Variants in CLIC6 observed in about 807,000 individuals in gnomAD.
CLIC6 encodes the protein CLIC family member 6.
Under a neutral mutation model 49.2 loss-of-function variants are expected in CLIC6, and 39 were observed. The ratio of observed to expected loss-of-function variants is 0.79; its 90% confidence interval spans 0.61 to 1.04. The LOEUF (loss-of-function observed/expected upper bound fraction) is 1.04, where lower values mean the gene tolerates loss of function less well. Among genes scored for constraint, CLIC6 ranks in the 50% least tolerant of loss-of-function variants. The pLI, the probability that CLIC6 is intolerant of heterozygous loss-of-function variation, is 0.00. For missense variants in CLIC6, 988 were observed against 993.1 expected (o/e 0.99, Z 0.07); for synonymous variants, 446 against 433.4 (o/e 1.03, Z -0.36).
chr21:34,677,198 C>T (rs1021613868), intron 1 of CLIC6, among the ~76,000 whole-genome samples: 7 of 152,320 alleles, frequency 4.6e-5, no homozygotes, highest in African/African-American at 1.7e-4. Flanking sequence ...TTTAATGCTG[C>T]TATGAAAATT....
chr21:34,706,105 G>A, intron 1 of CLIC6: 1 of 669,072 alleles, frequency 1.5e-6, no homozygotes, highest in Non-Finnish European at 2.7e-6. Flanking sequence ...AAGAAAAGAG[G>A]CTGAATTGGC....
rs1315377298 is a variant in CLIC6 at position 34,717,314 on chromosome 21, G to A, written c.*832G>A. Reference sequence around the variant, plus strand: ...TTGGAGAACCTCCCTGCCCTGAAATGTGAACCAAGCACACTTTGGTTCCTT... The same window carrying A: ...TTGGAGAACCTCCCTGCCCTGAAATATGAACCAAGCACACTTTGGTTCCTT... On this transcript the variant is annotated 3_prime_UTR_variant, in exon 6 of 6. Coordinates refer to ENST00000349499, the MANE Select transcript of CLIC6 (RefSeq NM_053277.3). 1 of 152,230 alleles carries A rather than the reference G, an allele frequency of 6.6e-6. No homozygotes were observed. The allele number at this position is 152,230 out of a possible 1,614,324, so 9.4% of individuals were successfully genotyped here.
chr21:34,708,534 C>T (rs1288174670), intron 3 of CLIC6, among the ~76,000 whole-genome samples, 166 bp from the exon 4 acceptor site: 1 of 152,150 alleles, frequency 6.6e-6, no homozygotes, highest in Non-Finnish European at 1.5e-5. Flanking sequence ...GTGCCATTCT[C>T]CTAGATGTTG....
chr21:34,671,379 GT>G (rs1989565398), intron 1 of CLIC6, among the ~76,000 whole-genome samples: 1 of 152,114 alleles, frequency 6.6e-6, no homozygotes, highest in South Asian at 2.1e-4. Context: ...TTGACATAAT[GT>G]TTTTTGAACG....
intron 1 of CLIC6, among the ~76,000 whole-genome samples, chr21:34,685,491 T>C (rs568679508): frequency 2.2e-4 from 34 of 152,344 alleles, no homozygotes; most frequent in Non-Finnish European, 4.6e-4. Flanking sequence ...GTGAGAGCCT[T>C]GGAGGTGAGT....
At chr21:34,707,095 C>G (rs1364709828) in intron 1 of CLIC6, among the ~76,000 whole-genome samples, 185 bp from the exon 2 acceptor site, 1 of 152,102 alleles carries the variant, frequency 6.6e-6, no homozygotes. Flanking sequence ...GTGTGGTGTT[C>G]TCTCCCCTAA....
intron 1 of CLIC6, among the ~76,000 whole-genome samples, chr21:34,682,649 T>C (rs1989798550): frequency 1.3e-5 from 2 of 152,080 alleles, no homozygotes; most frequent in Admixed American, 1.3e-4. Flanking sequence ...TTCTTGTAAT[T>C]GATGCATGGG....
intron 1 of CLIC6, among the ~76,000 whole-genome samples, chr21:34,675,531 G>A (rs1453064363): frequency 1.3e-5 from 2 of 151,194 alleles, no homozygotes; most frequent in South Asian, 2.1e-4. Flanking sequence ...CAAATTTTTT[G>A]TAATTTTTTT....
At chr21:34,714,745 T>C (rs966143870) in intron 5 of CLIC6, among the ~76,000 whole-genome samples, 5 of 150,874 alleles carry the variant, frequency 3.3e-5, no homozygotes, top group Admixed American at 2.0e-4. Flanking sequence ...TTCCTATATA[T>C]TTAAATTTAT....
chr21:34,697,268 C>T (rs1452709794), intron 1 of CLIC6, among the ~76,000 whole-genome samples: 7 of 152,102 alleles, frequency 4.6e-5, no homozygotes, highest in Non-Finnish European at 1.0e-4. Flanking sequence ...GCAGACTTTT[C>T]CAAAGGTGGC....
In CLIC6 at chr21:34,670,090, T is replaced by C. The variant is rs1268953944; in HGVS notation, c.702T>C (p.Gly234=). 24 of 528,596 alleles carry C rather than the reference T, an allele frequency of 4.5e-5. No homozygotes were observed. In the African/African-American group the frequency reaches 8.5e-4, roughly 19 times the overall value. 32.7% of individuals were successfully genotyped at this position (528,596 alleles called of 1,614,324 possible). A position where few individuals can be genotyped will look rare whatever the true frequency, so the allele number is the denominator to read the frequency against. Residue 234 remains glycine, a synonymous_variant, in exon 1 of 6, where the codon GGT becomes GGC. Coordinates refer to ENST00000349499, the MANE Select transcript of CLIC6 (RefSeq NM_053277.3). ...GRVGDSVDAE[G]PAGDSVDAEG... is the part of the protein sequence containing the mutation. ...TGGGGGACAGCGTAGACGCGGAAGGTCCGGCGGGGGACAGCGTAGACGCGG... is the reference window on the plus strand; with the variant it reads ...TGGGGGACAGCGTAGACGCGGAAGGCCCGGCGGGGGACAGCGTAGACGCGG...
At chr21:34,688,249 C>T (rs1011747892) in intron 1 of CLIC6, among the ~76,000 whole-genome samples, 1 of 152,214 alleles carries the variant, frequency 6.6e-6, no homozygotes, top group African/African-American at 2.4e-5. Context: ...CCTCAATTCT[C>T]ATCAGTGTGG....
At chr21:34,702,635 G>C (rs1365834240) in intron 1 of CLIC6, among the ~76,000 whole-genome samples, 2 of 152,188 alleles carry the variant, frequency 1.3e-5, no homozygotes, top group Non-Finnish European at 2.9e-5. Flanking sequence ...GGGGAGGGCT[G>C]GCTGTGTGGC....
chr21:34,689,446 C>G (rs1989947304), intron 1 of CLIC6, among the ~76,000 whole-genome samples: 1 of 152,182 alleles, frequency 6.6e-6, no homozygotes, highest in South Asian at 2.1e-4. Context: ...CTTCCACGGT[C>G]TGTGTTTCAA....
At chr21:34,674,274 A>G (rs959542256) in intron 1 of CLIC6, among the ~76,000 whole-genome samples, 31 of 152,272 alleles carry the variant, frequency 2.0e-4, no homozygotes, top group African/African-American at 5.1e-4. Flanking sequence ...AAATTTTTGT[A>G]GAGACAGAGG....
In CLIC6 at chr21:34,669,454, G is replaced by A; in HGVS notation, c.66G>A (p.Ala22=). 3 of 1,233,732 alleles carry A rather than the reference G, an allele frequency of 2.4e-6. No individual in the cohort carries two copies. The highest frequency in any genetic ancestry group is 3.0e-6 in the Non-Finnish European group (3 of 989,242). The allele number at this position is 1,233,732 out of a possible 1,614,324, so 76.4% of individuals were successfully genotyped here. The change falls in exon 1 of 6, where the codon GCG becomes GCA. Residue 22 remains alanine (A), a synonymous_variant. Transcript: ENST00000349499. ...PGPQGPPEVP[A]PLAERPGEPG... ...CCCAGGGGCCGCCGGAGGTCCCCGC[G>A]CCTCTGGCTGAGAGACCCGGAGAGC...
At chr21:34,678,544 A>G (rs1436514494) in intron 1 of CLIC6, among the ~76,000 whole-genome samples, 1 of 152,206 alleles carries the variant, frequency 6.6e-6, no homozygotes, top group Non-Finnish European at 1.5e-5. Flanking sequence ...TTAGAAGGAA[A>G]AAGGATAACT....
At chr21:34,711,570 A>C (rs1163781347) in intron 5 of CLIC6, among the ~76,000 whole-genome samples, 2 of 134,350 alleles carry the variant, frequency 1.5e-5, no homozygotes, top group African/African-American at 5.7e-5. Context: ...TAAATAAATA[A>C]ATTACATGTT....
intron 1 of CLIC6, among the ~76,000 whole-genome samples, chr21:34,673,001 T>G (rs1159878424): frequency 6.6e-6 from 1 of 152,220 alleles, no homozygotes; most frequent in Non-Finnish European, 1.5e-5. Context: ...CAGTTATCCC[T>G]GCCATTACTT....
Sources: allele counts gnomAD v4.1 joint callset (sites outside exome capture counted in the v4.1 genomes callset), GRCh38; gene constraint gnomAD v4.1.1; transcripts MANE v1.5; gene names NCBI Gene and HGNC (gene_info 2026-07-23, HGNC 2026-07-21).